Variants in PTPRD observed in about 807,000 individuals in gnomAD.
PTPRD encodes protein tyrosine phosphatase receptor type D, also known as receptor-type tyrosine-protein phosphatase delta.
A neutral mutation model predicts 214.5 loss-of-function variants in PTPRD; 34 were observed. The ratio of observed to expected loss-of-function variants is 0.16; its 90% CI spans 0.12 to 0.21. The LOEUF is 0.21. Ranked by LOEUF, PTPRD falls within the 10% of genes least tolerant of loss-of-function variation. The pLI is 1.00. For synonymous variants in PTPRD, 1,128 were observed against 845.7 expected (o/e 1.33, Z -5.79); for missense variants, 2,545 against 2,398.7 (o/e 1.06, Z -1.27).
At chr9:10,121,164 A>G (rs2098771922) in intron 3 of PTPRD, among the ~76,000 whole-genome samples, 1 of 152,152 alleles carries the variant, frequency 6.6e-6, no homozygotes, top group Non-Finnish European at 1.5e-5. Context: ...AGTATTGATT[A>G]TCAGAGATAA....
intron 4 of PTPRD, among the ~76,000 whole-genome samples, chr9:9,973,538 G>A (rs1016056240): frequency 1.4e-4 from 21 of 151,952 alleles, no homozygotes; most frequent in Non-Finnish European, 2.6e-4. Flanking sequence ...AACTTATTCA[G>A]AAAATTGCCT....
chr9:10,380,260 AC>A (rs2097793910), intron 2 of PTPRD, among the ~76,000 whole-genome samples: 2 of 152,102 alleles, frequency 1.3e-5, no homozygotes, highest in Non-Finnish European at 2.9e-5. Flanking sequence ...CTTTCCTAAA[AC>A]GCTTTGCTAT....
intron 8 of PTPRD, among the ~76,000 whole-genome samples, chr9:9,493,695 G>C (rs1226948894): frequency 1.3e-5 from 2 of 150,276 alleles, no homozygotes; most frequent in Non-Finnish European, 2.9e-5. Flanking sequence ...GGCTGAGGCA[G>C]GAGAATGGCG....
At chr9:9,968,489 A>C (rs1431386309) in intron 4 of PTPRD, among the ~76,000 whole-genome samples, 2 of 152,240 alleles carry the variant, frequency 1.3e-5, no homozygotes, top group Non-Finnish European at 2.9e-5. Flanking sequence ...AAAGAATTAA[A>C]TGCAAAAGTA....
intron 11 of PTPRD, among the ~76,000 whole-genome samples, chr9:8,851,148 C>A (rs2097801362): frequency 6.6e-6 from 1 of 150,494 alleles, no homozygotes. Context: ...CAGGGAAGGA[C>A]AGCTGCACTG....
intron 2 of PTPRD, among the ~76,000 whole-genome samples, chr9:10,494,962 TA>T (rs2041596724): frequency 6.6e-6 from 1 of 151,828 alleles, no homozygotes; most frequent in Admixed American, 6.6e-5. Context: ...ATATCATCAC[TA>T]AAAATCTGTC....
At chr9:8,322,101 G>T (rs994660333) in intron 44 of PTPRD, among the ~76,000 whole-genome samples, 1 of 152,040 alleles carries the variant, frequency 6.6e-6, no homozygotes, top group Non-Finnish European at 1.5e-5. Context: ...ACACTTAATT[G>T]ACAAATGTGT....
chr9:8,925,524 C>CAA lies in PTPRD; in HGVS notation c.-104+93171_-104+93172dup, dbSNP rs34721755. On this transcript the variant is annotated intron_variant, in intron 11 of 45. Transcript: ENST00000381196. The stretch of plus-strand genomic sequence containing the variant: ...AGAAAAACAAAACAAAGAAAACAAA[C>CAA]AAAAAAAACCAACTACAAGTTGCTA... 2.1e-3 allele frequency among the ~76,000 whole-genome samples: 314 copies of CAA among 149,736 alleles called. 1 individual carries two copies. Among genetic ancestry groups the CAA allele is most frequent in the African/African-American group, 7.5e-3 (306 of 40,704 alleles).
chr9:10,480,689 T>A (rs1367729590), intron 2 of PTPRD, among the ~76,000 whole-genome samples: 1 of 152,090 alleles, frequency 6.6e-6, no homozygotes, highest in African/African-American at 2.4e-5. Flanking sequence ...TATTTTTCAA[T>A]GTGAACTCTC....
At chr9:8,981,257 T>G (rs2154340448) in intron 11 of PTPRD, among the ~76,000 whole-genome samples, 1 of 152,212 alleles carries the variant, frequency 6.6e-6, no homozygotes. Context: ...TACTACTTAT[T>G]TCACTGCTTT....
intron 33 of PTPRD, among the ~76,000 whole-genome samples, chr9:8,455,677 A>G (rs1161236915): frequency 1.3e-5 from 2 of 152,242 alleles, no homozygotes; most frequent in Non-Finnish European, 2.9e-5. Flanking sequence ...AAATGATATC[A>G]AACACATTGG....
chr9:8,660,824 C>T (rs554556166), intron 12 of PTPRD, among the ~76,000 whole-genome samples: 14 of 152,244 alleles, frequency 9.2e-5, no homozygotes, highest in African/African-American at 3.4e-4. Flanking sequence ...TTCATTCCTT[C>T]CATCAACTTA....
intron 11 of PTPRD, among the ~76,000 whole-genome samples, chr9:8,964,200 T>TTTTTTG (rs2078429616): frequency 7.7e-5 from 11 of 142,394 alleles, no homozygotes; most frequent in African/African-American, 2.8e-4. Context: ...GTGTTTTTTT[T>TTTTTTG]TTTTTTTTTT....
chr9:9,988,817 T>C (rs2095808978), intron 4 of PTPRD, among the ~76,000 whole-genome samples: 1 of 151,916 alleles, frequency 6.6e-6, no homozygotes, highest in Non-Finnish European at 1.5e-5. Context: ...TTATTTTCTT[T>C]TTATGGCCAC....
intron 2 of PTPRD, among the ~76,000 whole-genome samples, chr9:10,440,647 A>T (rs1482484993): frequency 6.6e-6 from 1 of 151,756 alleles, no homozygotes; most frequent in Non-Finnish European, 1.5e-5. Flanking sequence ...ATGCAGACCA[A>T]ACTTGAAAGC....
chr9:9,413,389 C>T (rs1276144758), intron 8 of PTPRD, among the ~76,000 whole-genome samples: 3 of 151,952 alleles, frequency 2.0e-5, no homozygotes, highest in Non-Finnish European at 4.4e-5. Flanking sequence ...GCTGGGATTA[C>T]AGGCGTGAGC....
chr9:10,147,211 A>T (rs951137437), intron 3 of PTPRD, among the ~76,000 whole-genome samples: 6 of 152,134 alleles, frequency 3.9e-5, no homozygotes, highest in African/African-American at 1.2e-4. Context: ...CTCAAAAGGC[A>T]CTTTAAAGAG....
chr9:8,704,944 A>C (rs191724784), intron 12 of PTPRD, among the ~76,000 whole-genome samples: 204 of 152,060 alleles, frequency 1.3e-3, no homozygotes, highest in African/African-American at 4.1e-3. Flanking sequence ...TAAATAAATA[A>C]AAAGAAATAA....
At chr9:8,978,455 A>G (rs1350333849) in intron 11 of PTPRD, among the ~76,000 whole-genome samples, 1 of 152,130 alleles carries the variant, frequency 6.6e-6, no homozygotes, top group African/African-American at 2.4e-5. Flanking sequence ...TTGGGAAACT[A>G]TGAGGAAGAT....
Sources: gnomAD v4.1 joint callset for allele counts (sites outside exome capture counted in the v4.1 genomes callset) on GRCh38, gnomAD v4.1.1 for gene constraint, MANE v1.5 for transcripts, NCBI Gene and HGNC (gene_info 2026-07-23, HGNC 2026-07-21) for gene names.